ACSL4: variants seen among roughly 807,000 people sequenced by gnomAD.
The protein encoded by ACSL4 is acyl-CoA synthetase long chain family member 4, also known as long-chain-fatty-acid--CoA ligase 4.
Under a neutral mutation model 49.1 loss-of-function variants are expected in ACSL4, and 9 were observed. The ratio of observed to expected loss-of-function variants is 0.18; its 90% CI spans 0.11 to 0.32. The LOEUF is 0.32. ACSL4 is among the 10% of genes least tolerant of loss of function. The pLI, the probability that ACSL4 is intolerant of heterozygous loss-of-function variation, is 1.00. For missense variants in ACSL4, 333 were observed against 493.7 expected, an observed-to-expected ratio of 0.67 and a Z score of 3.08; for synonymous variants, 191 against 170.3, an observed-to-expected ratio of 1.12 and a Z score of -0.95.
At chrX:109,682,582 A>G in intron 4 of ACSL4, 137 bp downstream of exon 4, 7 of 706,610 alleles carry the variant, frequency 9.9e-6, no homozygotes, top group Non-Finnish European at 1.1e-5. Flanking sequence ...CCACAATATT[A>G]CATGCCGTAT....
intron 1 of ACSL4, among the ~76,000 whole-genome samples, chrX:109,704,765 A>G (rs1447019238): frequency 2.7e-5 from 3 of 111,835 alleles, no homozygotes; most frequent in Non-Finnish European, 5.6e-5. Context: ...GGCTGGGTAG[A>G]GGGAGAAACA....
Position 109,659,405 on chromosome X carries a change from G to C in ACSL4, c.1804C>G (p.Pro602Ala), listed in dbSNP as rs756641850. ...EGTWVDICNN[P>A]AMEAEILKEI... ...TTCAGTATTTCAGCTTCCATAGCAGGATTATTGCAGATATCAACCCAAGTT... is the reference window on the plus strand; with the variant it reads ...TTCAGTATTTCAGCTTCCATAGCAGCATTATTGCAGATATCAACCCAAGTT... The change falls in exon 15 of 16, where the codon CCT becomes GCT. Residue 602 changes from proline (P) to alanine (A), a missense_variant. Pro to Ala is a conservative substitution (Grantham distance 27). Coordinates refer to ENST00000672401, the MANE Select transcript of ACSL4 (RefSeq NM_001318510.2). The C allele has an allele frequency of 5.0e-6, 6 of 1,206,432 alleles. No individual in the cohort carries two copies. The African/African-American group carries it at 5.3e-5, about 11-fold the overall frequency.
intron 2 of ACSL4, among the ~76,000 whole-genome samples, chrX:109,693,339 T>C (rs1407759497): frequency 8.9e-6 from 1 of 112,034 alleles, no homozygotes; most frequent in Non-Finnish European, 1.9e-5. Context: ...ACTCAAAGAC[T>C]GATAAATCTG....
chrX:109,728,047 T>C (rs1376204624), intron 1 of ACSL4, among the ~76,000 whole-genome samples: 1 of 112,517 alleles, frequency 8.9e-6, no homozygotes, highest in African/African-American at 3.2e-5. Flanking sequence ...ATAATTTCAG[T>C]ACTGCCTTAC....
chrX:109,648,013 G>C (rs1934810202), intron 15 of ACSL4, among the ~76,000 whole-genome samples: 1 of 111,425 alleles, frequency 9.0e-6, no homozygotes, highest in African/African-American at 3.3e-5. Context: ...AAAAAGTGCT[G>C]AAATTGAGGC....
intron 1 of ACSL4, among the ~76,000 whole-genome samples, chrX:109,720,942 G>A (rs1927497870): frequency 9.0e-6 from 1 of 111,699 alleles, no homozygotes; most frequent in Non-Finnish European, 1.9e-5. Context: ...ATTATCCTAG[G>A]CCTTCTCTTC....
chrX:109,705,713 G>C (rs900523993), intron 1 of ACSL4, among the ~76,000 whole-genome samples: 3 of 110,639 alleles, frequency 2.7e-5, no homozygotes, highest in Non-Finnish European at 3.8e-5. Context: ...AAGTTCCTTT[G>C]AGAGGTGGAG....
At chrX:109,695,589 G>A (rs1414393962) in intron 2 of ACSL4, 1 of 109,959 alleles carries the variant, frequency 9.1e-6, no homozygotes, top group African/African-American at 3.3e-5. Flanking sequence ...GCGGTGGCAC[G>A]TGCCTGTAAT....
chrX:109,712,420 C>T (rs1926815133), intron 1 of ACSL4, among the ~76,000 whole-genome samples: 1 of 111,946 alleles, frequency 8.9e-6, no homozygotes, highest in South Asian at 3.7e-4. Flanking sequence ...ATATTCTGAC[C>T]AAGTACAAAC....
At chrX:109,675,220 G>A (rs1923583563) in intron 8 of ACSL4, among the ~76,000 whole-genome samples, 1 of 113,019 alleles carries the variant, frequency 8.8e-6, no homozygotes, top group Non-Finnish European at 1.9e-5. Context: ...GGTCGGAGTT[G>A]CCCTCTGCAT....
intron 15 of ACSL4, among the ~76,000 whole-genome samples, chrX:109,657,586 A>T (rs958155145): frequency 9.0e-6 from 1 of 111,256 alleles, no homozygotes; most frequent in Admixed American, 9.5e-5. Flanking sequence ...CATGGTGTAT[A>T]TGTGCCACAT....
At chrX:109,730,509 C>T (rs1027096506) in intron 1 of ACSL4, among the ~76,000 whole-genome samples, 4 of 111,921 alleles carry the variant, frequency 3.6e-5, no homozygotes, top group African/African-American at 1.3e-4. Flanking sequence ...ACTGGATGTA[C>T]ATCTGTCTCT....
chrX:109,726,862 T>C (rs1475768858), intron 1 of ACSL4, among the ~76,000 whole-genome samples: 1 of 107,752 alleles, frequency 9.3e-6, no homozygotes, highest in Admixed American at 1.0e-4. Context: ...TGTTTTTTGT[T>C]GTTGTTGTTG....
At chrX:109,708,029 C>T (rs1253458827) in intron 1 of ACSL4, among the ~76,000 whole-genome samples, 3 of 111,606 alleles carry the variant, frequency 2.7e-5, no homozygotes, top group Non-Finnish European at 5.6e-5. Flanking sequence ...ACTGCAGCCT[C>T]GACCTCTTGG....
At chrX:109,677,255 C>G (rs1040214518) in intron 8 of ACSL4, among the ~76,000 whole-genome samples, 2 of 109,804 alleles carry the variant, frequency 1.8e-5, no homozygotes, top group Non-Finnish European at 3.8e-5. Flanking sequence ...AGCCACCGCG[C>G]CCGGCCCTTA....
At chrX:109,668,899 AAG>A (rs781189953) in intron 10 of ACSL4, 133 bp downstream of exon 10, 1 of 503,180 alleles carries the variant, frequency 2.0e-6, no homozygotes, top group Non-Finnish European at 3.2e-6. Context: ...CTTAGAATAA[AAG>A]AGAATTTCAA....
At chrX:109,707,960 A>C (rs1049078191) in intron 1 of ACSL4, among the ~76,000 whole-genome samples, 2 of 109,744 alleles carry the variant, frequency 1.8e-5, no homozygotes, top group East Asian at 5.7e-4. Flanking sequence ...TTTTTTTTTT[A>C]TTGAGACAAG....
At chrX:109,650,043 A>C (rs960731823) in intron 15 of ACSL4, among the ~76,000 whole-genome samples, 17 of 111,391 alleles carry the variant, frequency 1.5e-4, no homozygotes, top group African/African-American at 5.2e-4. Context: ...GCTGGAGAGG[A>C]TGTCGAGAAA....
At chrX:109,732,056 A>G (rs776379856) in intron 1 of ACSL4, among the ~76,000 whole-genome samples, 2 of 112,869 alleles carry the variant, frequency 1.8e-5, no homozygotes, top group Middle Eastern at 4.6e-3. Context: ...CCTAGAATCA[A>G]AACACTAGAA....
Sources: gnomAD v4.1 joint callset for allele counts (sites outside exome capture counted in the v4.1 genomes callset) on GRCh38, gnomAD v4.1.1 for gene constraint, MANE v1.5 for transcripts, NCBI Gene and HGNC (gene_info 2026-07-23, HGNC 2026-07-21) for gene names.